The following PLAA variants were observed in gnomAD, a reference collection of about 807,000 sequenced individuals.
PLAA encodes phospholipase A2 activating protein, also known as phospholipase A-2-activating protein.
PLAA carries 48 observed loss-of-function variants against 84.1 expected under a neutral mutation model. The ratio of observed to expected loss-of-function variants is 0.57; its 90% CI spans 0.45 to 0.73. The LOEUF is 0.73. PLAA is among the 30% of genes least tolerant of loss of function. The pLI, the probability that PLAA is intolerant of heterozygous loss-of-function variation, is 0.00. For missense variants in PLAA, 903 were observed against 954.7 expected (o/e 0.95, Z 0.71); for synonymous variants, 392 against 336.6 (o/e 1.16, Z -1.80).
intron 4 of PLAA, 54 bp from the exon 5 acceptor site, chr9:26,926,614 C>T: frequency 1.4e-5 from 18 of 1,299,992 alleles, no homozygotes; most frequent in Non-Finnish European, 1.9e-5. Flanking sequence ...TGGCTGATGG[C>T]TCTATACATT....
chr9:26,922,697 C>T lies in PLAA; in HGVS notation c.1039+481G>A, dbSNP rs370982972. Among the ~76,000 whole-genome samples, 7 of 149,686 alleles carry T rather than the reference C, an allele frequency of 4.7e-5. No homozygotes were observed. The South Asian group carries it at 6.3e-4, about 14-fold the overall frequency. On this transcript the variant is annotated intron_variant, in intron 7 of 13. Coordinates refer to ENST00000397292, the MANE Select transcript of PLAA (RefSeq NM_001031689.3). ...TTTTTTTTTTTTTGAGACAGAGTCA[C>T]ACTCTGTCACCCAGGCTGGAATGCA... is the stretch of plus-strand genomic sequence containing the variant.
chr9:26,930,254 G>A (rs954378622), intron 2 of PLAA, among the ~76,000 whole-genome samples: 4 of 151,822 alleles, frequency 2.6e-5, no homozygotes, highest in Non-Finnish European at 4.4e-5. Context: ...ACAGGCGCCC[G>A]CCACCACGCC....
In PLAA at chr9:26,907,998, C is replaced by T. The variant is rs769037046; in HGVS notation, c.1658G>A (p.Gly553Asp). Reference sequence around the variant, plus strand: ...AGTTCCATTAAGTTCCTTCAGTTTACCTAGAACCCAAAACCAAACTTTCAA... The same window carrying T: ...AGTTCCATTAAGTTCCTTCAGTTTATCTAGAACCCAAAACCAAACTTTCAA... Reference protein sequence around the residue: ...FDQANPTQILGKLKELNGTAP... With the variant: ...FDQANPTQILDKLKELNGTAP... Residue 553 changes from glycine to aspartate, a missense_variant and splice_region_variant, in exon 13 of 14, where the codon GGT becomes GAT. By Grantham distance (94) the Gly-to-Asp change is moderately conservative (BLOSUM62 -1). Coordinates refer to ENST00000397292, the MANE Select transcript of PLAA (RefSeq NM_001031689.3). 100 of 1,570,926 alleles carry T rather than the reference C, an allele frequency of 6.4e-5. 1 individual carries two copies. Among genetic ancestry groups the T allele is most frequent in the Non-Finnish European group, 7.6e-5 (89 of 1,165,594 alleles).
At chr9:26,935,846 G>A (rs1323843980) in intron 1 of PLAA, among the ~76,000 whole-genome samples, 1 of 150,666 alleles carries the variant, frequency 6.6e-6, no homozygotes, top group Admixed American at 6.6e-5. Flanking sequence ...AATGGCTAGA[G>A]TAATATTATA....
chr9:26,907,796 T>C (rs1824281992), intron 13 of PLAA, 38 bp downstream of exon 13: 5 of 1,543,744 alleles, frequency 3.2e-6, no homozygotes, highest in Admixed American at 2.1e-5. Flanking sequence ...ATAAAACTTC[T>C]TGCTTTCTGG....
chr9:26,916,369 T>A, intron 10 of PLAA: 1 of 986,976 alleles, frequency 1.0e-6, no homozygotes, highest in Non-Finnish European at 1.2e-6. Context: ...AATAGAGACT[T>A]CTTCAGCTGC....
chr9:26,905,445 C>A lies in PLAA; in HGVS notation c.*66G>T. On this transcript the variant is annotated 3_prime_UTR_variant, in exon 14 of 14. Coordinates refer to ENST00000397292, the MANE Select transcript of PLAA (RefSeq NM_001031689.3). ...TTCTCTTTTTTTAATTATCTGTTATCAGTCATGTCAAATGTGAGGAAAAAA... is the reference window on the plus strand; with the variant it reads ...TTCTCTTTTTTTAATTATCTGTTATAAGTCATGTCAAATGTGAGGAAAAAA... The A allele has an allele frequency of 8.9e-7, 1 of 1,125,486 alleles. No homozygotes were observed. 69.7% of individuals were successfully genotyped at this position (1,125,486 alleles called of 1,614,324 possible).
chr9:26,939,443 A>G (rs1373937152), intron 1 of PLAA, among the ~76,000 whole-genome samples: 1 of 150,368 alleles, frequency 6.7e-6, no homozygotes, highest in African/African-American at 2.4e-5. Flanking sequence ...AAATAAATCA[A>G]CTAAACACAA....
At chr9:26,920,434 G>A in intron 7 of PLAA, 50 bp from the exon 8 acceptor site, 6 of 1,221,090 alleles carry the variant, frequency 4.9e-6, no homozygotes, top group South Asian at 3.5e-5. Flanking sequence ...ATGTAAAATT[G>A]AAAAACATTT....
intron 9 of PLAA, among the ~76,000 whole-genome samples, chr9:26,918,739 C>T (rs1016699977): frequency 2.0e-5 from 3 of 152,144 alleles, no homozygotes; most frequent in African/African-American, 4.8e-5. Context: ...CCAGAACTCA[C>T]GTTAATATTA....
Position 26,947,162 on chromosome 9 carries a change from A to G in PLAA, c.-117T>C. 2.5e-6 allele frequency: 3 copies of G among 1,222,276 alleles called. No homozygotes were observed. The highest frequency in any genetic ancestry group is 3.2e-6 in the Non-Finnish European group (3 of 924,114). The allele number at this position is 1,222,276 out of a possible 1,614,324, so 75.7% of individuals were successfully genotyped here. A position where few individuals can be genotyped will look rare whatever the true frequency, so the allele number is the denominator to read the frequency against. ...GAGCCTGCAGGTAAGGGGCGGCCGG[A>G]GACCGGAAGAGCCCGAGAGCCGGTA... On this transcript the variant is annotated 5_prime_UTR_variant, in exon 1 of 14. Transcript: ENST00000397292.
rs1416307329 is a variant in PLAA, at chr9:26,926,262, A to C, written c.733+131T>G. ...GTAAACAGGAGAAAGATACTTAATG[A>C]AATAAATTTACTAAATTATTCAAGT... On this transcript the variant is annotated intron_variant, in intron 5 of 13. Coordinates refer to ENST00000397292, the MANE Select transcript of PLAA (RefSeq NM_001031689.3). The C allele has an allele frequency of 4.7e-6, 3 of 634,598 alleles. No homozygotes were observed. The African/African-American group carries it at 5.5e-5, about 12-fold the overall frequency. 39.3% of individuals were successfully genotyped at this position (634,598 alleles called of 1,614,324 possible). A position where few individuals can be genotyped will look rare whatever the true frequency, so the allele number is the denominator to read the frequency against.
At chr9:26,934,281 C>A (rs1825283491) in intron 2 of PLAA, among the ~76,000 whole-genome samples, 1 of 152,130 alleles carries the variant, frequency 6.6e-6, no homozygotes, top group African/African-American at 2.4e-5. Flanking sequence ...GGAATATACA[C>A]AAATCACAGA....
intron 11 of PLAA, 135 bp from the exon 12 acceptor site, chr9:26,910,574 G>A (rs1194895980): frequency 2.3e-5 from 11 of 473,212 alleles, no homozygotes; most frequent in Non-Finnish European, 1.1e-5. Flanking sequence ...GGAACCTCAA[G>A]GGGAAAAATA....
At chr9:26,938,951 A>G (rs1423191581) in intron 1 of PLAA, among the ~76,000 whole-genome samples, 1 of 152,216 alleles carries the variant, frequency 6.6e-6, no homozygotes, top group Admixed American at 6.5e-5. Context: ...ATGGAGCTAT[A>G]AAGAAGAATT....
At chr9:26,909,109 A>C (rs1439093036) in intron 12 of PLAA, among the ~76,000 whole-genome samples, 3 of 152,086 alleles carry the variant, frequency 2.0e-5, no homozygotes, top group Non-Finnish European at 4.4e-5. Context: ...CATGACTTTG[A>C]GTTACTGTGT....
In PLAA at chr9:26,946,923, G is replaced by C. The variant is rs764450867; in HGVS notation, c.123C>G (p.Arg41=). Residue 41 remains arginine, a synonymous_variant, in exon 1 of 14, where the codon CGC becomes CGG. Coordinates refer to ENST00000397292, the MANE Select transcript of PLAA (RefSeq NM_001031689.3). ...PGAFVSVSRD[R]TTRLWAPDSP... ...TGTCTGGGGCCCAGAGGCGGGTGGT[G>C]CGGTCTCGGGACACGGACACAAAGG... 1.3e-6 allele frequency: 2 copies of C among 1,577,970 alleles called. No individual in the cohort carries two copies. The highest frequency in any genetic ancestry group is 1.7e-4 in the Middle Eastern group (1 of 6,012).
At chr9:26,922,611 T>A (rs1824805893) in intron 7 of PLAA, among the ~76,000 whole-genome samples, 1 of 152,100 alleles carries the variant, frequency 6.6e-6, no homozygotes, top group African/African-American at 2.4e-5. Flanking sequence ...TACGGTCTTC[T>A]GATTTCAAAC....
chr9:26,907,547 AAAAC>A, intron 13 of PLAA: 1 of 307,480 alleles, frequency 3.3e-6, no homozygotes, highest in Non-Finnish European at 5.9e-6. Context: ...TTCAAAAACA[AAAAC>A]AAAACAAAAC....
Sources: allele counts gnomAD v4.1 joint callset (sites outside exome capture counted in the v4.1 genomes callset), GRCh38; gene constraint gnomAD v4.1.1; transcripts MANE v1.5; gene names NCBI Gene and HGNC (gene_info 2026-07-23, HGNC 2026-07-21).